Variants in CCDC180 observed in about 807,000 individuals in gnomAD.
CCDC180 encodes coiled-coil domain containing 180, also known as coiled-coil domain-containing protein 180.
A neutral mutation model predicts 209.2 loss-of-function variants in CCDC180; 154 were observed. The ratio of observed to expected loss-of-function variants is 0.74; its 90% CI spans 0.65 to 0.84. The LOEUF is 0.84. Ranked by LOEUF, CCDC180 falls within the 40% of genes least tolerant of loss-of-function variation. CCDC180 has a pLI of 0.00. For synonymous variants in CCDC180, 778 were observed against 749.1 expected (o/e 1.04, Z -0.63); for missense variants, 1,874 against 1,997.3 (o/e 0.94, Z 1.18).
chr9:97,308,757 C>G (rs1366905789), intron 2 of CCDC180, among the ~76,000 whole-genome samples: 4 of 152,172 alleles, frequency 2.6e-5, no homozygotes, highest in Non-Finnish European at 4.4e-5. Context: ...CTAATTTAAG[C>G]CTTAAATAAT....
At chr9:97,350,283 A>C in intron 21 of CCDC180, 126 bp from the exon 22 acceptor site, 1 of 860,950 alleles carries the variant, frequency 1.2e-6, no homozygotes, top group East Asian at 2.8e-5. Context: ...CTGTGTCCCC[A>C]GGCTGGTCAT....
chr9:97,312,369 G>T (rs1833018062), intron 4 of CCDC180, among the ~76,000 whole-genome samples, 168 bp downstream of exon 4: 1 of 144,462 alleles, frequency 6.9e-6, no homozygotes, highest in Non-Finnish European at 1.6e-5. Context: ...TCAGCCAAGA[G>T]TCCTCCCCTG....
rs1833052980 is a variant in CCDC180, at chr9:97,313,308, T to C, written c.422T>C (p.Leu141Pro). Residue 141 changes from leucine (L) to proline (P), a missense_variant, in exon 5 of 37, where the codon CTG becomes CCG. By Grantham distance (98) the Leu-to-Pro change is moderately conservative. Coordinates refer to ENST00000529487, the MANE Select transcript of CCDC180 (RefSeq NM_020893.6). ...AAGAGGAAGAGCTACGAGAGCGCTCTGGCCAGCTTTCAGGAGGAGATTGCG... is the reference window on the plus strand; with the variant it reads ...AAGAGGAAGAGCTACGAGAGCGCTCCGGCCAGCTTTCAGGAGGAGATTGCG... ...EHKRKSYESA[L>P]ASFQEEIAQV... 2.5e-6 allele frequency: 4 copies of C among 1,611,680 alleles called. No individual in the cohort carries two copies. Among genetic ancestry groups the C allele is most frequent in the Non-Finnish European group, 3.4e-6 (4 of 1,178,452 alleles).
rs1205508247 is a variant in CCDC180, at chr9:97,308,095, C to T, written c.32C>T (p.Pro11Leu). 5 of 1,612,552 alleles carry T rather than the reference C, an allele frequency of 3.1e-6. No individual in the cohort carries two copies. The East Asian group carries it at 1.1e-4, about 36-fold the overall frequency. The stretch of plus-strand genomic sequence containing the variant: ...TCAGTGGGGAAGGTGACCCAGGTTC[C>T]GAATGGGAAAGCCTACCAGCAGATC... Reference protein sequence around the residue: MSSVGKVTQVPNGKAYQQIFQ... With the variant: MSSVGKVTQVLNGKAYQQIFQ... Residue 11 changes from proline (P) to leucine (L), a missense_variant, in exon 2 of 37, where the codon CCG becomes CTG. By Grantham distance (98) the Pro-to-Leu change is moderately conservative (BLOSUM62 -3). Coordinates refer to ENST00000529487, the MANE Select transcript of CCDC180 (RefSeq NM_020893.6).
In CCDC180 at chr9:97,308,000, C is replaced by T. The variant is rs763642707; in HGVS notation, c.-64C>T. 6.2e-7 allele frequency: 1 copy of T among 1,603,054 alleles called. No homozygotes were observed. Among genetic ancestry groups the T allele is most frequent in the Admixed American group, 1.7e-5 (1 of 58,386 alleles). On this transcript the variant is annotated 5_prime_UTR_variant, in exon 2 of 37. Transcript: ENST00000529487. ...AACCTCAGGAATTGGAATTGAGACACCAAAGCCTAGACGCGTTTCCTGGAC... is the reference window on the plus strand; with the variant it reads ...AACCTCAGGAATTGGAATTGAGACATCAAAGCCTAGACGCGTTTCCTGGAC...
Position 97,362,262 on chromosome 9 carries a change from A to C in CCDC180, c.3723A>C (p.Ala1241=). 1 of 1,614,064 alleles carries C rather than the reference A, an allele frequency of 6.2e-7. No individual in the cohort carries two copies. The highest frequency in any genetic ancestry group is 8.5e-7 in the Non-Finnish European group (1 of 1,180,014). ...DKDPSQTGRG[A]WACGSRGSSE... ...ATCCGTCCCAGACAGGTAGAGGCGC[A>C]TGGGCCTGTGGGTCTCGGGGCAGCA... The change falls in exon 28 of 37, where the codon GCA becomes GCC. Residue 1241 remains alanine, a synonymous_variant. Transcript: ENST00000529487.
At chr9:97,321,334 G>A (rs1456572848) in intron 11 of CCDC180, among the ~76,000 whole-genome samples, 1 of 152,212 alleles carries the variant, frequency 6.6e-6, no homozygotes, top group Non-Finnish European at 1.5e-5. Context: ...TAGAAGATAT[G>A]TAAAAAGTTT....
chr9:97,363,582 A>G (rs1170635081), intron 28 of CCDC180: 1 of 532,388 alleles, frequency 1.9e-6, no homozygotes, highest in Non-Finnish European at 3.9e-6. Flanking sequence ...TTTCAGATCA[A>G]CACCACCTAA....
upstream of CCDC180, chr9:97,307,371 G>T (rs1229725679): frequency 2.0e-6 from 1 of 507,874 alleles, no homozygotes; most frequent in East Asian, 5.5e-5. Flanking sequence ...TGCCTTGAGA[G>T]GTGCTTTCTG....
chr9:97,339,652 C>T (rs1472264783), intron 18 of CCDC180, among the ~76,000 whole-genome samples: 1 of 152,086 alleles, frequency 6.6e-6, no homozygotes. Context: ...TTGTTCTTCT[C>T]AAGGAGTATC....
At chr9:97,354,118 C>T (rs1293539310) in intron 22 of CCDC180, among the ~76,000 whole-genome samples, 7 of 151,920 alleles carry the variant, frequency 4.6e-5, no homozygotes, top group Admixed American at 4.6e-4. Flanking sequence ...CCATCTCAGC[C>T]TCCCAAGTAG....
intron 16 of CCDC180, among the ~76,000 whole-genome samples, chr9:97,329,884 C>A (rs1384248370): frequency 6.6e-6 from 1 of 151,986 alleles, no homozygotes; most frequent in African/African-American, 2.4e-5. Flanking sequence ...CTGGTTAACA[C>A]GGTGAAACCC....
intron 26 of CCDC180, among the ~76,000 whole-genome samples, chr9:97,361,207 G>A (rs574720150): frequency 1.3e-5 from 2 of 152,304 alleles, no homozygotes; most frequent in African/African-American, 4.8e-5. Flanking sequence ...ACTTTCTCTA[G>A]GAGCCTGCTC....
rs1344247730 is a variant in CCDC180, at chr9:97,349,276, C to G, written c.2840C>G (p.Ala947Gly). The change falls in exon 21 of 37, where the codon GCC (alanine) becomes GGC (glycine). Residue 947 changes from alanine to glycine, a missense_variant. Ala to Gly is a moderately conservative substitution (Grantham distance 60). Coordinates refer to ENST00000529487, the MANE Select transcript of CCDC180 (RefSeq NM_020893.6). ...IYDMEHIFLN[A>G]TRSQKLVTLS... ...GACATGGAGCACATCTTCTTGAATG[C>G]CACCAGGAGCCAAAAGTAAGGGGTC... 2 of 1,536,528 alleles carry G rather than the reference C, an allele frequency of 1.3e-6. No individual in the cohort carries two copies. Among genetic ancestry groups the G allele is most frequent in the Admixed American group, 3.9e-5 (2 of 50,996 alleles).
Position 97,325,177 on chromosome 9 carries a change from C to G in CCDC180, c.1530C>G (p.His510Gln). ...EKRMEQHRQK[H>Q]SLESQVQEAH... Reference sequence around the variant, plus strand: ...GGATGGAGCAGCACCGGCAGAAGCACAGCCTGGAGAGCCAGGTGAGACCCA... The same window carrying G: ...GGATGGAGCAGCACCGGCAGAAGCAGAGCCTGGAGAGCCAGGTGAGACCCA... The change falls in exon 14 of 37, where the codon CAC becomes CAG. Residue 510 changes from histidine to glutamine, a missense_variant. Physicochemically the swap from His to Gln is conservative, Grantham distance 24 (BLOSUM62 0). Transcript: ENST00000529487. 6.3e-7 allele frequency: 1 copy of G among 1,599,334 alleles called. No individual in the cohort carries two copies. Among genetic ancestry groups the G allele is most frequent in the Non-Finnish European group, 8.5e-7 (1 of 1,172,748 alleles).
intron 5 of CCDC180, 83 bp downstream of exon 5, chr9:97,313,428 C>A: frequency 3.2e-6 from 3 of 928,826 alleles, no homozygotes; most frequent in East Asian, 2.7e-5. Context: ...CTTCCTCCCC[C>A]TCTCCAGCAG....
At chr9:97,315,019 C>A (rs543104620) in intron 8 of CCDC180, 73 bp downstream of exon 8, 1 of 1,153,462 alleles carries the variant, frequency 8.7e-7, no homozygotes, top group Non-Finnish European at 1.3e-6. Flanking sequence ...GCACCCCGAG[C>A]CTGGTGTCTG....
Position 97,374,582 on chromosome 9 carries a change from G to C in CCDC180, c.4640G>C (p.Arg1547Pro). 1.2e-6 allele frequency: 2 copies of C among 1,614,112 alleles called. No individual in the cohort carries two copies. The highest frequency in any genetic ancestry group is 1.7e-6 in the Non-Finnish European group (2 of 1,180,018). Residue 1547 changes from arginine (R) to proline (P), a missense_variant, in exon 35 of 37, where the codon CGA becomes CCA. Arg to Pro is a moderately radical substitution (Grantham distance 103). Transcript: ENST00000529487. ...AAACAGAAATTATCAATGCTCATACGAAGGAAACTCGCTGGGCTCTCCCTG... is the reference window on the plus strand; with the variant it reads ...AAACAGAAATTATCAATGCTCATACCAAGGAAACTCGCTGGGCTCTCCCTG... Reference protein sequence around the residue: ...PPKQKLSMLIRRKLAGLSLKE... With the variant: ...PPKQKLSMLIPRKLAGLSLKE...
intron 13 of CCDC180, among the ~76,000 whole-genome samples, chr9:97,324,795 C>T (rs1833474357): frequency 6.6e-6 from 1 of 152,192 alleles, no homozygotes; most frequent in South Asian, 2.1e-4. Flanking sequence ...AGAGATGGGA[C>T]TTGAGGGTCA....
Sources: gnomAD v4.1 joint callset for allele counts (sites outside exome capture counted in the v4.1 genomes callset) on GRCh38, gnomAD v4.1.1 for gene constraint, MANE v1.5 for transcripts, NCBI Gene and HGNC (gene_info 2026-07-23, HGNC 2026-07-21) for gene names.